Variants in KCNIP1 observed in about 807,000 individuals in gnomAD.
KCNIP1 encodes the protein potassium voltage-gated channel interacting protein 1, also known as A-type potassium channel modulatory protein KCNIP1.
In KCNIP1, 18 loss-of-function variants were observed where a neutral mutation model predicts 33.0. The observed-to-expected ratio is 0.55, with a 90% CI of 0.38 to 0.81. The LOEUF is 0.81. Ranked by LOEUF, KCNIP1 falls within the 30% of genes least tolerant of loss-of-function variation. The probability of loss-of-function intolerance (pLI) is 0.00; values close to 1 mark genes in which losing one functional copy is unlikely to be tolerated. For synonymous variants in KCNIP1, 93 were observed against 98.3 expected (o/e 0.95, Z 0.32); for missense variants, 238 against 271.6 (o/e 0.88, Z 0.87).
At position 170,429,032 on chromosome 5, in the gene KCNIP1, G is replaced by A. The variant is rs544058727; in HGVS notation, c.88+75068G>A. The stretch of plus-strand genomic sequence containing the variant: ...CTTGAACCCGGGAGGCAGAGGTTGC[G>A]GTGAGCCGAGATCGCGCCACTGCAC... On this transcript the variant is annotated intron_variant, in intron 1 of 7. Coordinates refer to the KCNIP1 transcript ENST00000377360. 1.6e-4 allele frequency among the ~76,000 whole-genome samples: 24 copies of A among 152,152 alleles called. No homozygotes were observed. The Middle Eastern group carries it at 0.01, about 65-fold the overall frequency.
At chr5:170,467,115 G>C (rs1447736889) in intron 1 of KCNIP1, among the ~76,000 whole-genome samples, 1 of 152,220 alleles carries the variant, frequency 6.6e-6, no homozygotes, top group African/African-American at 2.4e-5. Context: ...AGCACAGTCA[G>C]ATGGAATGTG....
At chr5:170,497,371 G>C (rs530373776) in intron 1 of KCNIP1, among the ~76,000 whole-genome samples, 18 of 152,150 alleles carry the variant, frequency 1.2e-4, no homozygotes, top group Non-Finnish European at 2.1e-4. Context: ...CTGAGGATCA[G>C]TGAAGTTAAA....
At chr5:170,654,599 T>C (rs1021979298) in intron 1 of KCNIP1, among the ~76,000 whole-genome samples, 7 of 152,258 alleles carry the variant, frequency 4.6e-5, no homozygotes, top group Admixed American at 3.9e-4. Context: ...TTCCAGCTAC[T>C]GTTGGATTTG....
chr5:170,670,910 A>AAT (rs1423781975), intron 1 of KCNIP1, among the ~76,000 whole-genome samples: 5 of 131,680 alleles, frequency 3.8e-5, no homozygotes, highest in African/African-American at 1.4e-4. Context: ...AACAAAAAAA[A>AAT]AAATAAAAAA....
intron 1 of KCNIP1, chr5:170,383,191 G>A (rs1372992179): frequency 4.3e-6 from 1 of 232,082 alleles, no homozygotes; most frequent in Admixed American, 5.1e-5. Flanking sequence ...TGTTTATGGA[G>A]GTTACTCCAG....
intron 1 of KCNIP1, among the ~76,000 whole-genome samples, chr5:170,446,116 C>T (rs1424849258): frequency 6.6e-6 from 1 of 152,172 alleles, no homozygotes; most frequent in Non-Finnish European, 1.5e-5. Context: ...CCGATACAGT[C>T]GCCCAGGAAG....
At chr5:170,491,490 C>G (rs563039754) in intron 1 of KCNIP1, among the ~76,000 whole-genome samples, 1 of 152,308 alleles carries the variant, frequency 6.6e-6, no homozygotes, top group South Asian at 2.1e-4. Flanking sequence ...CTCATATTTC[C>G]TCCTCATCAC....
chr5:170,580,424 C>T lies in KCNIP1; in HGVS notation c.61+75791C>T, dbSNP rs367900144. Among the ~76,000 whole-genome samples the T allele has an allele frequency of 3.9e-5, 6 of 152,278 alleles. No homozygotes were observed. In the South Asian group the frequency reaches 1.2e-3, roughly 32 times the overall value. On this transcript the variant is annotated intron_variant, in intron 1 of 7. Coordinates refer to ENST00000328939, the MANE Select transcript of KCNIP1 (RefSeq NM_014592.4). ...GGCAGGCACTGTTATCACTCTTATT[C>T]CCAGGTGAACCAGTTGAGGTTCCAA...
chr5:170,423,768 A>AT (rs1173623757), intron 1 of KCNIP1, among the ~76,000 whole-genome samples: 3 of 152,126 alleles, frequency 2.0e-5, no homozygotes, highest in Non-Finnish European at 4.4e-5. Context: ...TCTGTGTGGA[A>AT]TTTTTGGATG....
chr5:170,576,450 C>T lies in KCNIP1; in HGVS notation c.61+71817C>T, dbSNP rs563201783. Among the ~76,000 whole-genome samples, 10 of 152,300 alleles carry T rather than the reference C, an allele frequency of 6.6e-5. No individual in the cohort carries two copies. In the South Asian group the frequency reaches 2.1e-3, roughly 32 times the overall value. On this transcript the variant is annotated intron_variant, in intron 1 of 7. Coordinates refer to ENST00000328939, the MANE Select transcript of KCNIP1 (RefSeq NM_014592.4). ...GCCCACCCAGTTTCACAGATGGGGA[C>T]ATAGACTCCATTTCTTAATAGGTAA... is the stretch of plus-strand genomic sequence containing the variant.
At chr5:170,681,322 GTCCCCGCCTCCCC>G (rs906500086) in intron 1 of KCNIP1, 38 of 389,140 alleles carry the variant, frequency 9.8e-5, no homozygotes, top group African/African-American at 6.4e-4. Context: ...CGTGGTATTG[GTCCCCGCCTCCCC>G]AGTCGCGCCC....
At chr5:170,712,535 C>T (rs1490043143) in intron 1 of KCNIP1, among the ~76,000 whole-genome samples, 2 of 152,232 alleles carry the variant, frequency 1.3e-5, no homozygotes, top group Admixed American at 6.5e-5. Flanking sequence ...CGAGTGTTTC[C>T]AAGGACCCAT....
chr5:170,482,282 A>G (rs1482003262), intron 1 of KCNIP1, among the ~76,000 whole-genome samples: 1 of 152,120 alleles, frequency 6.6e-6, no homozygotes, highest in Admixed American at 6.6e-5. Context: ...CCCATCTACC[A>G]TCAAGTTCAT....
At chr5:170,475,203 C>G (rs1350648596) in intron 1 of KCNIP1, among the ~76,000 whole-genome samples, 1 of 152,220 alleles carries the variant, frequency 6.6e-6, no homozygotes, top group Admixed American at 6.5e-5. Flanking sequence ...AAAAGTTCTT[C>G]AAGTCCCCAC....
chr5:170,581,494 G>A (rs191658288), intron 1 of KCNIP1, among the ~76,000 whole-genome samples: 3 of 152,322 alleles, frequency 2.0e-5, no homozygotes, highest in Admixed American at 2.0e-4. Flanking sequence ...AATATTCTGA[G>A]GCCATATCTG....
At chr5:170,714,620 C>T (rs1263148550) in intron 1 of KCNIP1, among the ~76,000 whole-genome samples, 1 of 152,096 alleles carries the variant, frequency 6.6e-6, no homozygotes. Flanking sequence ...CTTGAGGTTC[C>T]TGACCCTGTG....
Position 170,489,683 on chromosome 5 carries a change from C to G in KCNIP1, c.88+135719C>G, listed in dbSNP as rs1757169412. 6.6e-6 allele frequency among the ~76,000 whole-genome samples: 1 copy of G among 152,226 alleles called. No homozygotes were observed. Among genetic ancestry groups the G allele is most frequent in the Admixed American group, 6.5e-5 (1 of 15,286 alleles). ...GTAGCAATCACTCATACTCCTCTCC[C>G]ATGAACAATTTGAGAAAAAATGGAG... is the stretch of plus-strand genomic sequence containing the variant. On this transcript the variant is annotated intron_variant, in intron 1 of 7. Transcript: ENST00000377360. The surrounding 1 kb of genome is among the most constrained non-coding windows in gnomAD (Gnocchi z 4.3).
intron 1 of KCNIP1, among the ~76,000 whole-genome samples, chr5:170,618,570 G>GGAGGGAGC: frequency 6.9e-6 from 1 of 145,210 alleles, no homozygotes; most frequent in Admixed American, 6.9e-5. Context: ...AGGGAGGGAG[G>GGAGGGAGC]GAGCTAACTG....
intron 5 of KCNIP1, among the ~76,000 whole-genome samples, chr5:170,726,904 C>G (rs1764026767): frequency 6.6e-6 from 1 of 151,714 alleles, no homozygotes; most frequent in South Asian, 2.1e-4. Context: ...GAGCAAGACC[C>G]TGTCTCAAAA....
Sources: gnomAD v4.1 joint callset for allele counts (sites outside exome capture counted in the v4.1 genomes callset) on GRCh38, gnomAD v4.1.1 for gene constraint, Gnocchi (gnomAD v3.1) non-coding constraint, MANE v1.5 for transcripts, NCBI Gene and HGNC (gene_info 2026-07-23, HGNC 2026-07-21) for gene names.